The following NAALADL2 variants were observed in gnomAD, a reference collection of about 807,000 sequenced individuals.
The protein encoded by NAALADL2 is inactive N-acetylated-alpha-linked acidic dipeptidase-like protein 2.
A neutral mutation model predicts 87.2 loss-of-function variants in NAALADL2; 76 were observed. The observed-to-expected ratio is 0.87, with a 90% CI of 0.72 to 1.05. The LOEUF (loss-of-function observed/expected upper bound fraction) is 1.05, where lower values mean the gene tolerates loss of function less well. NAALADL2 is among the 50% of genes least tolerant of loss of function. The pLI is 0.00. For missense variants in NAALADL2, 1,089 were observed against 945.8 expected, an observed-to-expected ratio of 1.15 and a Z score of -1.99; for synonymous variants, 354 against 331.0, an observed-to-expected ratio of 1.07 and a Z score of -0.75.
At chr3:175,405,721 C>CTT (rs1553885787) in intron 5 of NAALADL2, among the ~76,000 whole-genome samples, 2 of 151,588 alleles carry the variant, frequency 1.3e-5, no homozygotes, top group South Asian at 2.1e-4. Flanking sequence ...TTCTTGAACA[C>CTT]CTATGTTCCT....
intron 9 of NAALADL2, among the ~76,000 whole-genome samples, chr3:175,570,728 A>C (rs888621560): frequency 6.6e-5 from 10 of 151,954 alleles, no homozygotes; most frequent in African/African-American, 1.9e-4. Flanking sequence ...AAAATACAAA[A>C]AATTAGCCGG....
At chr3:175,381,281 A>G (rs1246507319) in intron 5 of NAALADL2, among the ~76,000 whole-genome samples, 1 of 151,568 alleles carries the variant, frequency 6.6e-6, no homozygotes, top group Non-Finnish European at 1.5e-5. Context: ...TAATTATTTT[A>G]GTTCTATCTG....
chr3:174,833,084 A>C (rs940282055), intron 3 of NAALADL2, among the ~76,000 whole-genome samples: 6 of 152,166 alleles, frequency 3.9e-5, no homozygotes, highest in African/African-American at 1.4e-4. Context: ...TAACTTTTAA[A>C]TACTGTCTAT....
At chr3:174,491,410 TA>T (rs1435702951) in intron 1 of NAALADL2, among the ~76,000 whole-genome samples, 1 of 152,208 alleles carries the variant, frequency 6.6e-6, no homozygotes, top group Non-Finnish European at 1.5e-5. Context: ...TTTACATAGT[TA>T]TTTTTTTAAA....
chr3:175,558,440 A>C (rs1715719274), intron 9 of NAALADL2, among the ~76,000 whole-genome samples: 1 of 151,886 alleles, frequency 6.6e-6, no homozygotes, highest in Non-Finnish European at 1.5e-5. Context: ...ATGTGATCTC[A>C]TTTGTCCATT....
intron 1 of NAALADL2, among the ~76,000 whole-genome samples, chr3:174,548,492 T>G (rs1252885654): frequency 6.6e-6 from 1 of 152,196 alleles, no homozygotes; most frequent in Non-Finnish European, 1.5e-5. Flanking sequence ...TTTCTAGATT[T>G]TCTAAAGTAT....
chr3:175,190,571 G>T (rs1737998746), intron 2 of NAALADL2, among the ~76,000 whole-genome samples: 1 of 152,172 alleles, frequency 6.6e-6, no homozygotes, highest in African/African-American at 2.4e-5. Context: ...GTGAAGAAAA[G>T]AGGACTCTTG....
intron 1 of NAALADL2, among the ~76,000 whole-genome samples, chr3:175,022,136 A>G (rs1309201544): frequency 6.6e-6 from 1 of 152,028 alleles, no homozygotes; most frequent in Non-Finnish European, 1.5e-5. Flanking sequence ...AGCTTCCTGA[A>G]GCCCTCACCA....
Position 175,803,324 on chromosome 3 carries a change from T to C in NAALADL2, c.*121T>C, listed in dbSNP as rs2108362139. The C allele has an allele frequency of 1.9e-6, 1 of 529,912 alleles. No homozygotes were observed. Among genetic ancestry groups the C allele is most frequent in the South Asian group, 4.0e-5 (1 of 25,042 alleles). 32.8% of individuals were successfully genotyped at this position (529,912 alleles called of 1,614,324 possible). A position where few individuals can be genotyped will look rare whatever the true frequency, so the allele number is the denominator to read the frequency against. ...AATGGCTTTTTGACAAGTATAAAGC[T>C]ATTATTACATTGTATTTTTTAAATG... On this transcript the variant is annotated 3_prime_UTR_variant, in exon 14 of 14. Coordinates refer to ENST00000454872, the MANE Select transcript of NAALADL2 (RefSeq NM_207015.3).
intron 1 of NAALADL2, among the ~76,000 whole-genome samples, chr3:175,013,301 A>ATATATTTTT (rs1553916905): frequency 1.4e-5 from 1 of 72,070 alleles, no homozygotes; most frequent in African/African-American, 5.8e-5. Context: ...ATATATATAT[A>ATATATTTTT]TTTTTTTTTT....
chr3:175,646,200 A>G (rs13317095), intron 11 of NAALADL2, among the ~76,000 whole-genome samples: 9,214 of 152,048 alleles, frequency 0.061, 870 homozygotes, highest in African/African-American at 0.2. Flanking sequence ...TCTGTCACCA[A>G]TTATGGAACT....
intron 4 of NAALADL2, among the ~76,000 whole-genome samples, chr3:175,270,753 G>A (rs998843846): frequency 2.6e-5 from 4 of 152,152 alleles, no homozygotes; most frequent in Non-Finnish European, 5.9e-5. Flanking sequence ...GTAATGACTT[G>A]ATGGATGCAT....
chr3:174,847,891 A>G lies in NAALADL2; in HGVS notation c.-9+110145A>G, dbSNP rs73047983. Among the ~76,000 whole-genome samples, 1,374 of 151,388 alleles carry G rather than the reference A, an allele frequency of 9.1e-3. 19 individuals carry two copies. Among genetic ancestry groups the G allele is most frequent in the African/African-American group, 0.031 (1,300 of 41,300 alleles). ...TAGCTGAACATAGAATTTCTCTTCA[A>G]CTCTTTGGATTTTTGACATACTGGA... On this transcript the variant is annotated intron_variant, in intron 3 of 3. Transcript: ENST00000434257.
intron 4 of NAALADL2, 127 bp downstream of exon 4, chr3:175,256,657 A>AAGAAAG: frequency 2.5e-6 from 2 of 785,582 alleles, no homozygotes; most frequent in South Asian, 6.3e-5. Flanking sequence ...AGGGGAGAGG[A>AAGAAAG]AGAAAGAGAG....
chr3:175,310,220 C>A (rs563490238), intron 4 of NAALADL2, among the ~76,000 whole-genome samples: 104 of 152,154 alleles, frequency 6.8e-4, no homozygotes, highest in Middle Eastern at 3.5e-3. Flanking sequence ...TTATTTAAAG[C>A]AAATAATGCC....
At chr3:175,637,483 C>T (rs1401118050) in intron 11 of NAALADL2, among the ~76,000 whole-genome samples, 1 of 152,172 alleles carries the variant, frequency 6.6e-6, no homozygotes, top group Non-Finnish European at 1.5e-5. Context: ...GTGTTTGGAT[C>T]ATGGAGGCGG....
chr3:174,909,097 TA>T (rs1272593708), intron 1 of NAALADL2, among the ~76,000 whole-genome samples: 4 of 152,050 alleles, frequency 2.6e-5, no homozygotes, highest in Non-Finnish European at 5.9e-5. Context: ...CAGTATTAGC[TA>T]AATTTATAGG....
chr3:175,727,947 G>A (rs536152305), intron 11 of NAALADL2, among the ~76,000 whole-genome samples: 6 of 152,244 alleles, frequency 3.9e-5, no homozygotes, highest in African/African-American at 1.4e-4. Flanking sequence ...TGAGGGAACA[G>A]GTGTGGCATT....
intron 1 of NAALADL2, among the ~76,000 whole-genome samples, chr3:174,535,867 C>G (rs1185076159): frequency 6.6e-6 from 1 of 151,052 alleles, no homozygotes; most frequent in Admixed American, 6.6e-5. Flanking sequence ...TTTTTTCTTT[C>G]TTTAAGAAGT....
Sources: gnomAD v4.1 joint callset for allele counts (sites outside exome capture counted in the v4.1 genomes callset) on GRCh38, gnomAD v4.1.1 for gene constraint, MANE v1.5 for transcripts, NCBI Gene and HGNC (gene_info 2026-07-23, HGNC 2026-07-21) for gene names.